Variants in PMFBP1 observed in about 807,000 individuals in gnomAD.
PMFBP1 encodes the protein polyamine modulated factor 1 binding protein 1.
A neutral mutation model predicts 137.8 loss-of-function variants in PMFBP1; 131 were observed. That is an observed-to-expected ratio of 0.95 (90% CI 0.82 to 1.10). The LOEUF (loss-of-function observed/expected upper bound fraction) is 1.10, where lower values mean the gene tolerates loss of function less well. PMFBP1 is among the 50% of genes least tolerant of loss of function. PMFBP1 has a pLI of 0.00. For synonymous variants in PMFBP1, 490 were observed against 450.4 expected (o/e 1.09, Z -1.11); for missense variants, 1,199 against 1,175.4 (o/e 1.02, Z -0.29).
chr16:72,119,421 G>T, intron 20 of PMFBP1, 67 bp from the exon 21 acceptor site: 22 of 1,613,388 alleles, frequency 1.4e-5, no homozygotes, highest in Non-Finnish European at 1.7e-5. Flanking sequence ...TTCCTCAAGG[G>T]CTGGCCGCAT....
chr16:72,171,447 A>G, intron 1 of PMFBP1, 179 bp from the exon 2 acceptor site: 1 of 506,762 alleles, frequency 2.0e-6, no homozygotes, highest in South Asian at 3.1e-5. Flanking sequence ...AAACCTCCAG[A>G]TGGCAGGACC....
chr16:72,119,759 A>G (rs760230646), intron 20 of PMFBP1, 92 bp downstream of exon 20: 3 of 1,547,114 alleles, frequency 1.9e-6, no homozygotes, highest in South Asian at 2.6e-5. Flanking sequence ...TGAGGCCACA[A>G]AAGGCCTATT....
the PMFBP1 span, among the ~76,000 whole-genome samples, chr16:72,199,660 A>C: frequency 6.6e-6 from 1 of 151,758 alleles, no homozygotes; most frequent in African/African-American, 2.4e-5. Flanking sequence ...TCTCAAAAAA[A>C]AAAAAAAAAA....
chr16:72,138,367 G>A (rs59049640), intron 7 of PMFBP1, among the ~76,000 whole-genome samples: 13,508 of 152,206 alleles, frequency 0.089, 760 homozygotes, highest in Non-Finnish European at 0.13. Flanking sequence ...CAGTCTTGGG[G>A]CGTGCAGGCA....
At chr16:72,137,163 G>C (rs2042645133) in intron 7 of PMFBP1, among the ~76,000 whole-genome samples, 1 of 152,184 alleles carries the variant, frequency 6.6e-6, no homozygotes, top group Non-Finnish European at 1.5e-5. Flanking sequence ...GGCTCACACG[G>C]AATACACATA....
the PMFBP1 span, among the ~76,000 whole-genome samples, chr16:72,244,053 C>A: frequency 6.6e-5 from 10 of 152,162 alleles, no homozygotes; most frequent in African/African-American, 2.2e-4. Flanking sequence ...AGAGCCTATT[C>A]TGCATGTCCA....
At chr16:72,164,581 C>T (rs2043115720) in intron 3 of PMFBP1, 183 bp downstream of exon 3, 2 of 1,234,562 alleles carry the variant, frequency 1.6e-6, no homozygotes, top group Non-Finnish European at 2.3e-6. Flanking sequence ...GAAGGCAGGA[C>T]TGGCATTTTC....
Position 72,126,161 on chromosome 16 carries a change from G to C in PMFBP1, c.2089-29C>G, listed in dbSNP as rs370005070. 1.4e-5 allele frequency: 22 copies of C among 1,610,686 alleles called. No individual in the cohort carries two copies. In the African/African-American group the frequency reaches 1.9e-4, roughly 14 times the overall value. ...TAAGGAGGGAGAGCAGAACTGTCAGGGTGCCAGGTCAGGGTCATAGAGGCA... is the reference window on the plus strand; with the variant it reads ...TAAGGAGGGAGAGCAGAACTGTCAGCGTGCCAGGTCAGGGTCATAGAGGCA... On this transcript the variant is annotated intron_variant, in intron 14 of 20. Coordinates refer to ENST00000237353, the MANE Select transcript of PMFBP1 (RefSeq NM_031293.3).
chr16:72,162,803 C>G (rs953718933), intron 3 of PMFBP1, among the ~76,000 whole-genome samples: 2 of 152,210 alleles, frequency 1.3e-5, no homozygotes, highest in Non-Finnish European at 2.9e-5. Context: ...ATGGCTTTCC[C>G]TGACTGGGGG....
rs2042443143 is a variant in PMFBP1, at chr16:72,125,547, AG to A, written c.2254-143del. On this transcript the variant is annotated intron_variant, in intron 15 of 20. Transcript: ENST00000237353. The stretch of plus-strand genomic sequence containing the variant: ...GGTCACCTTGCCTAGTCTCCCAGAG[AG>A]GGGTGGGAAATGACAGTGGTTGGTT... 3.1e-6 allele frequency: 3 copies of A among 958,492 alleles called. No individual in the cohort carries two copies. In the Admixed American group the frequency reaches 7.4e-5, roughly 24 times the overall value. The allele number at this position is 958,492 out of a possible 1,614,324, so 59.4% of individuals were successfully genotyped here.
intron 3 of PMFBP1, chr16:72,164,271 G>C: frequency 1.8e-6 from 1 of 555,302 alleles, no homozygotes. Flanking sequence ...ACCTGAGCTT[G>C]TCCTATGATC....
the PMFBP1 span, among the ~76,000 whole-genome samples, chr16:72,198,933 A>G: frequency 6.6e-6 from 1 of 151,976 alleles, no homozygotes; most frequent in East Asian, 1.9e-4. Flanking sequence ...AACCTCTCAT[A>G]TGGACAGTCT....
chr16:72,217,510 A>G, the PMFBP1 span, among the ~76,000 whole-genome samples: 7 of 152,332 alleles, frequency 4.6e-5, no homozygotes, highest in Admixed American at 1.3e-4. Flanking sequence ...ATGGCTACAG[A>G]CACAACATGC....
the PMFBP1 span, among the ~76,000 whole-genome samples, chr16:72,195,690 A>T: frequency 1.6e-4 from 25 of 152,256 alleles, no homozygotes; most frequent in Non-Finnish European, 3.5e-4. Flanking sequence ...AATGTGGATA[A>T]TTGATCTTGT....
chr16:72,240,983 G>GA, the PMFBP1 span, among the ~76,000 whole-genome samples: 1 of 152,046 alleles, frequency 6.6e-6, no homozygotes, highest in Non-Finnish European at 1.5e-5. Context: ...GGTGCAGGTG[G>GA]AGGGGGTTAA....
the PMFBP1 span, among the ~76,000 whole-genome samples, chr16:72,241,347 C>T: frequency 6.6e-6 from 1 of 152,214 alleles, no homozygotes; most frequent in African/African-American, 2.4e-5. Flanking sequence ...TAGGTGTTCA[C>T]TTCTCTGAAT....
Position 72,140,468 on chromosome 16 carries a change from G to A in PMFBP1, c.751C>T (p.Gln251Ter). 6.2e-7 allele frequency: 1 copy of A among 1,614,016 alleles called. No individual in the cohort carries two copies. Among genetic ancestry groups the A allele is most frequent in the South Asian group, 1.1e-5 (1 of 91,068 alleles). The change falls in exon 6 of 21, where the codon CAA (glutamine) becomes TAA (stop). Residue 251 changes from glutamine to a stop codon, truncating the protein, a stop_gained. Coordinates refer to ENST00000237353, the MANE Select transcript of PMFBP1 (RefSeq NM_031293.3). LOFTEE classifies it high-confidence loss of function. Reference sequence around the variant, plus strand: ...AGTTCTTGAATGAGATCATCCTGTTGAGAGACCTTTTGCCAGACTTCAGAC... The same window carrying A: ...AGTTCTTGAATGAGATCATCCTGTTAAGAGACCTTTTGCCAGACTTCAGAC... ...RLSEVWQKVS[Q>*]QDDLIQELRN...
chr16:72,189,604 A>G, the PMFBP1 span, among the ~76,000 whole-genome samples: 3 of 152,242 alleles, frequency 2.0e-5, no homozygotes, highest in East Asian at 5.8e-4. Context: ...GTCAGCTGCT[A>G]CAGAAGTTCA....
At chr16:72,240,625 G>C in the PMFBP1 span, among the ~76,000 whole-genome samples, 1 of 152,146 alleles carries the variant, frequency 6.6e-6, no homozygotes, top group African/African-American at 2.4e-5. Context: ...TTGAATCATG[G>C]TGCAGCCAAG....
Sources: gnomAD v4.1 joint callset for allele counts (sites outside exome capture counted in the v4.1 genomes callset) on GRCh38, gnomAD v4.1.1 for gene constraint, MANE v1.5 for transcripts, NCBI Gene and HGNC (gene_info 2026-07-23, HGNC 2026-07-21) for gene names.